The following HCN1 variants were observed in gnomAD, a reference collection of about 807,000 sequenced individuals.
HCN1 encodes the protein potassium/sodium hyperpolarization-activated cyclic nucleotide-gated channel 1.
A neutral mutation model predicts 78.9 loss-of-function variants in HCN1; 13 were observed. The observed-to-expected ratio is 0.16, with a 90% confidence interval of 0.11 to 0.26. The LOEUF is 0.26. Ranked by LOEUF, HCN1 falls within the 10% of genes least tolerant of loss-of-function variation. The pLI is 1.00. For missense variants in HCN1, 810 were observed against 1,154.3 expected (o/e 0.70, Z 4.32); for synonymous variants, 552 against 455.5 (o/e 1.21, Z -2.70).
chr5:45,675,001 A>G (rs1487609509), intron 1 of HCN1, among the ~76,000 whole-genome samples: 1 of 151,820 alleles, frequency 6.6e-6, no homozygotes, highest in African/African-American at 2.4e-5. Flanking sequence ...TAGGTGGCAC[A>G]TAACTTCAGG....
intron 3 of HCN1, among the ~76,000 whole-genome samples, chr5:45,438,149 A>G (rs1297016548): frequency 6.6e-6 from 1 of 152,194 alleles, no homozygotes; most frequent in African/African-American, 2.4e-5. Flanking sequence ...AGAATACTAC[A>G]AAGTAGTACC....
intron 2 of HCN1, among the ~76,000 whole-genome samples, chr5:45,464,005 C>T (rs1042970121): frequency 6.6e-6 from 1 of 152,040 alleles, no homozygotes; most frequent in Non-Finnish European, 1.5e-5. Flanking sequence ...GGCCATCATT[C>T]AATTATCAGG....
intron 5 of HCN1, among the ~76,000 whole-genome samples, chr5:45,349,701 G>T (rs577611704): frequency 6.6e-6 from 1 of 151,946 alleles, no homozygotes; most frequent in African/African-American, 2.4e-5. Flanking sequence ...TATCACCACC[G>T]ATCCCACAGA....
rs749649309 is a variant in HCN1, at chr5:45,262,383, C to T, written c.2211G>A (p.Gln737=). The T allele has an allele frequency of 7.4e-6, 12 of 1,611,986 alleles. No homozygotes were observed. Among genetic ancestry groups the T allele is most frequent in the Non-Finnish European group, 1.0e-5 (12 of 1,179,668 alleles). The part of the protein sequence containing the change: ...LSLMQQQPQQ[Q]VQQSQPPQTQ... ...TCTGCGGCGGCTGGGACTGCTGTACCTGCTGCTGCGGCTGCTGTTGCATGA... is the reference window on the plus strand; with the variant it reads ...TCTGCGGCGGCTGGGACTGCTGTACTTGCTGCTGCGGCTGCTGTTGCATGA... The change falls in exon 8 of 8, where the codon CAG becomes CAA. Residue 737 remains glutamine, a synonymous_variant. Coordinates refer to ENST00000303230, the MANE Select transcript of HCN1 (RefSeq NM_021072.4).
chr5:45,392,089 C>T (rs893689694), intron 4 of HCN1, among the ~76,000 whole-genome samples: 21 of 152,016 alleles, frequency 1.4e-4, no homozygotes, highest in African/African-American at 4.8e-4. Flanking sequence ...GAGCATATAA[C>T]CAAGAAAGTA....
At chr5:45,575,233 T>C (rs1424336857) in intron 2 of HCN1, 1 of 152,120 alleles carries the variant, frequency 6.6e-6, no homozygotes, top group Admixed American at 6.6e-5. Context: ...GACTCTCTTT[T>C]TAGGAGCTAA....
chr5:45,582,920 G>A (rs1042303473), intron 2 of HCN1, among the ~76,000 whole-genome samples: 4 of 152,032 alleles, frequency 2.6e-5, no homozygotes, highest in African/African-American at 9.7e-5. Flanking sequence ...GATTCAGTTT[G>A]CCAGTATTTT....
chr5:45,688,103 A>T (rs1438811267), intron 1 of HCN1, among the ~76,000 whole-genome samples: 1 of 152,076 alleles, frequency 6.6e-6, no homozygotes, highest in Non-Finnish European at 1.5e-5. Context: ...TATTTTACAA[A>T]TGTTCTTGAG....
intron 2 of HCN1, among the ~76,000 whole-genome samples, chr5:45,640,608 CTT>C (rs1745435576): frequency 6.8e-6 from 1 of 146,344 alleles, no homozygotes; most frequent in South Asian, 2.2e-4. Context: ...GAGTTTCACT[CTT>C]GTCGCCCAGG....
chr5:45,424,794 C>T (rs919309306), intron 3 of HCN1, among the ~76,000 whole-genome samples: 14 of 151,868 alleles, frequency 9.2e-5, no homozygotes, highest in East Asian at 3.9e-4. Flanking sequence ...ATAAACAATG[C>T]GATAGAAAAA....
At chr5:45,377,933 G>A (rs891616356) in intron 4 of HCN1, among the ~76,000 whole-genome samples, 1 of 151,832 alleles carries the variant, frequency 6.6e-6, no homozygotes, top group African/African-American at 2.4e-5. Context: ...TATTAAGAAA[G>A]GGGATCTCCT....
chr5:45,451,051 A>G (rs1284027472), intron 3 of HCN1, among the ~76,000 whole-genome samples: 3 of 152,130 alleles, frequency 2.0e-5, no homozygotes, highest in Non-Finnish European at 4.4e-5. Context: ...CAATAATTTA[A>G]TTCCTGTACA....
intron 4 of HCN1, among the ~76,000 whole-genome samples, chr5:45,360,750 T>C (rs1747092473): frequency 6.6e-6 from 1 of 152,110 alleles, no homozygotes; most frequent in African/African-American, 2.4e-5. Flanking sequence ...CTTCCTGAAT[T>C]TGATTTTCAA....
At chr5:45,347,376 T>C (rs912002128) in intron 5 of HCN1, among the ~76,000 whole-genome samples, 1 of 151,934 alleles carries the variant, frequency 6.6e-6, no homozygotes, top group South Asian at 2.1e-4. Flanking sequence ...TACATCACCA[T>C]CGTCAAAGAA....
At chr5:45,682,973 T>C (rs1037310914) in intron 1 of HCN1, among the ~76,000 whole-genome samples, 17 of 152,104 alleles carry the variant, frequency 1.1e-4, no homozygotes, top group African/African-American at 4.1e-4. Context: ...TTGTAAAATA[T>C]AAAGTATCAA....
intron 3 of HCN1, among the ~76,000 whole-genome samples, chr5:45,458,299 A>T (rs1741066108): frequency 6.6e-6 from 1 of 151,976 alleles, no homozygotes; most frequent in Admixed American, 6.6e-5. Flanking sequence ...TTAATGATGG[A>T]AGGATACAAT....
At chr5:45,561,268 T>TA (rs1354110607) in intron 2 of HCN1, among the ~76,000 whole-genome samples, 1 of 152,106 alleles carries the variant, frequency 6.6e-6, no homozygotes, top group Non-Finnish European at 1.5e-5. Flanking sequence ...CACACTTTTT[T>TA]AAAAAATAAT....
intron 4 of HCN1, among the ~76,000 whole-genome samples, chr5:45,365,341 C>T (rs568272238): frequency 1.1e-4 from 17 of 151,896 alleles, no homozygotes; most frequent in Non-Finnish European, 2.2e-4. Flanking sequence ...CCCTCACCCA[C>T]CTCCCATTCT....
At chr5:45,489,900 A>G (rs577001071) in intron 2 of HCN1, among the ~76,000 whole-genome samples, 11 of 152,332 alleles carry the variant, frequency 7.2e-5, no homozygotes, top group African/African-American at 2.6e-4. Context: ...TAGGGATGTC[A>G]GGTTTAGCAA....
Sources: gnomAD v4.1 joint callset for allele counts (sites outside exome capture counted in the v4.1 genomes callset) on GRCh38, gnomAD v4.1.1 for gene constraint, MANE v1.5 for transcripts, NCBI Gene and HGNC (gene_info 2026-07-23, HGNC 2026-07-21) for gene names.